Variants in AXIN2 observed in about 807,000 individuals in gnomAD.
AXIN2 encodes axin 2, also known as axin-2.
AXIN2 carries 21 observed loss-of-function variants against 74.7 expected under a neutral mutation model. The ratio of observed to expected loss-of-function variants is 0.28; its 90% CI spans 0.20 to 0.40. The LOEUF (loss-of-function observed/expected upper bound fraction) is 0.40, where lower values mean the gene tolerates loss of function less well. Among genes scored for constraint, AXIN2 ranks in the 10% least tolerant of loss-of-function variants. The probability of loss-of-function intolerance (pLI) is 1.00; values close to 1 mark genes in which losing one functional copy is unlikely to be tolerated. For missense variants in AXIN2, 1,144 were observed against 1,111.1 expected (o/e 1.03, Z -0.42); for synonymous variants, 532 against 454.9 (o/e 1.17, Z -2.16).
Position 65,537,698 on chromosome 17 carries a change from G to T in AXIN2, c.1338C>A (p.Val446=), listed in dbSNP as rs369864600. Residue 446 remains valine (V), a synonymous_variant, in exon 6 of 11, where the codon GTC becomes GTA. Coordinates refer to ENST00000307078, the MANE Select transcript of AXIN2 (RefSeq NM_004655.4). The part of the protein sequence containing the change: ...QTILDDHLSR[V]LKTPGCQSPG... Reference sequence around the variant, plus strand: ...GAGACTGGCAGCCAGGGGTCTTGAGGACCCTGGACAGGTGATCGTCCAGTA... The same window carrying T: ...GAGACTGGCAGCCAGGGGTCTTGAGTACCCTGGACAGGTGATCGTCCAGTA... The T allele has an allele frequency of 1.9e-5, 30 of 1,557,126 alleles. No homozygotes were observed. In the African/African-American group the frequency reaches 3.4e-4, roughly 18 times the overall value.
rs200573256 is a variant in AXIN2 at position 65,536,409 on chromosome 17, C to T, written c.2052G>A (p.Ala684=). The change falls in exon 8 of 11, where the codon GCG becomes GCA. Residue 684 remains alanine (A), a synonymous_variant. Transcript: ENST00000307078. ...TGTTGGGTGGGGTCAGGGGAGGCAT[C>T]GCAGGGTCCTGGGTGAACAGGTGGG... The part of the protein sequence containing the change: ...PRAHLFTQDP[A]MPPLTPPNTL... 1,275 of 1,613,676 alleles carry T rather than the reference C, an allele frequency of 7.9e-4. 2 individuals are homozygous for T. The highest frequency in any genetic ancestry group is 1.0e-3 in the Non-Finnish European group (1,222 of 1,180,012).
rs2043968699 is a variant in AXIN2 at position 65,537,988 on chromosome 17, A to C, written c.1201-153T>G. ...TGCGCACACGCACAGGCCCGCCTACACAAGCACATATCCACACGCATATGC... is the reference window on the plus strand; with the variant it reads ...TGCGCACACGCACAGGCCCGCCTACCCAAGCACATATCCACACGCATATGC... On this transcript the variant is annotated intron_variant, in intron 5 of 10. Transcript: ENST00000307078. The C allele has an allele frequency of 4.5e-6, 6 of 1,322,672 alleles. No homozygotes were observed. In the Admixed American group the frequency reaches 8.1e-5, roughly 18 times the overall value. The allele number at this position is 1,322,672 out of a possible 1,614,324, so 81.9% of individuals were successfully genotyped here. A position where few individuals can be genotyped will look rare whatever the true frequency, so the allele number is the denominator to read the frequency against.
At position 65,559,786 on chromosome 17, in the gene AXIN2, G is replaced by A. The variant is rs187694910; in HGVS notation, c.-116-1050C>T. On this transcript the variant is annotated intron_variant, in intron 1 of 10. Transcript: ENST00000307078. Reference sequence around the variant, plus strand: ...AAACTAAGAAGGGTAGGGGCTGAACGGGGTGCAACCCCGGGCGAGAAGCCA... The same window carrying A: ...AAACTAAGAAGGGTAGGGGCTGAACAGGGTGCAACCCCGGGCGAGAAGCCA... 1.8e-4 allele frequency among the ~76,000 whole-genome samples: 27 copies of A among 152,366 alleles called. No homozygotes were observed. In the East Asian group the frequency reaches 4.6e-3, roughly 26 times the overall value.
intron 7 of AXIN2, 37 bp from the exon 8 acceptor site, chr17:65,536,590 A>G (rs2144444974): frequency 6.2e-7 from 1 of 1,607,326 alleles, no homozygotes; most frequent in Non-Finnish European, 8.5e-7. Flanking sequence ...ACAGAAGGAA[A>G]GAAACTGGGT....
At chr17:65,555,415 A>G (rs562104063) in intron 2 of AXIN2, among the ~76,000 whole-genome samples, 2 of 152,300 alleles carry the variant, frequency 1.3e-5, no homozygotes, top group South Asian at 2.1e-4. Context: ...CTTCAGTTCA[A>G]TAAGAAAGTT....
chr17:65,537,282 G>A (rs768716642), intron 6 of AXIN2, 42 bp downstream of exon 6: 13 of 1,612,454 alleles, frequency 8.1e-6, no homozygotes, highest in Non-Finnish European at 1.0e-5. Context: ...CTGGCTGGGA[G>A]ACAAGCCCCA....
chr17:65,547,180 G>C (rs887392911), intron 3 of AXIN2, among the ~76,000 whole-genome samples: 3 of 149,386 alleles, frequency 2.0e-5, no homozygotes, highest in Admixed American at 2.0e-4. Context: ...TGGGGAGGCT[G>C]CAGGGGAGAA....
Position 65,529,772 on chromosome 17 carries a change from TATCTC to T in AXIN2, c.*199_*203del, listed in dbSNP as rs1231538272. ...TTTAATAAATAGTTCAGGCTTTTCT[TATCTC>T]AGTCAGTACCCAGCTCATGAATCAT... On this transcript the variant is annotated 3_prime_UTR_variant, in exon 11 of 11. Coordinates refer to ENST00000307078, the MANE Select transcript of AXIN2 (RefSeq NM_004655.4). The T allele has an allele frequency of 1.1e-5, 8 of 725,896 alleles. No homozygotes were observed. Among genetic ancestry groups the T allele is most frequent in the East Asian group, 2.8e-5 (1 of 35,578 alleles). The allele number at this position is 725,896 out of a possible 1,614,324, so 45.0% of individuals were successfully genotyped here.
chr17:65,540,971 G>C (rs2044032756), intron 4 of AXIN2, among the ~76,000 whole-genome samples: 1 of 152,136 alleles, frequency 6.6e-6, no homozygotes, highest in Non-Finnish European at 1.5e-5. Context: ...CCACCTCCCA[G>C]GTTCAAGTGA....
In AXIN2 at chr17:65,529,201, G is replaced by A. The variant is rs190102562; in HGVS notation, c.*775C>T. The A allele has an allele frequency of 2.1e-5, 5 of 234,616 alleles. No individual in the cohort carries two copies. The East Asian group carries it at 3.0e-4, about 14-fold the overall frequency. The allele number at this position is 234,616 out of a possible 1,614,324, so 14.5% of individuals were successfully genotyped here. ...ACATGAGGGGGAGCCTCAGTCACAG[G>A]ATCAACCTGGGGCCCGAAGGAGCAG... On this transcript the variant is annotated 3_prime_UTR_variant, in exon 11 of 11. Transcript: ENST00000307078.
chr17:65,556,910 C>T (rs1022884254), intron 2 of AXIN2, among the ~76,000 whole-genome samples: 28 of 152,304 alleles, frequency 1.8e-4, no homozygotes, highest in African/African-American at 6.7e-4. Context: ...GGCTCATTCT[C>T]TTTTCGGATA....
intron 10 of AXIN2, among the ~76,000 whole-genome samples, chr17:65,533,085 A>G (rs2043851260): frequency 6.6e-6 from 1 of 152,204 alleles, no homozygotes; most frequent in African/African-American, 2.4e-5. Context: ...AAGAGAAGGA[A>G]TGGCCTAGGG....
intron 7 of AXIN2, 114 bp from the exon 8 acceptor site, chr17:65,536,667 A>G: frequency 7.0e-7 from 1 of 1,430,978 alleles, no homozygotes; most frequent in Non-Finnish European, 9.7e-7. Flanking sequence ...GAGTTAAAAA[A>G]AAAACTACCA....
chr17:65,528,899 G>A lies in AXIN2; in HGVS notation c.*1077C>T, dbSNP rs779856961. ...ACTCTTTTGCCGTACACTATATACAGATGTATAGTACAAGTAACAATGGCA... is the reference window on the plus strand; with the variant it reads ...ACTCTTTTGCCGTACACTATATACAAATGTATAGTACAAGTAACAATGGCA... On this transcript the variant is annotated 3_prime_UTR_variant, in exon 11 of 11. Transcript: ENST00000307078. 5.7e-5 allele frequency: 20 copies of A among 350,794 alleles called. No individual in the cohort carries two copies. Among genetic ancestry groups the A allele is most frequent in the Non-Finnish European group, 9.5e-5 (18 of 189,906 alleles). The allele number at this position is 350,794 out of a possible 1,614,324, so 21.7% of individuals were successfully genotyped here.
chr17:65,549,497 G>A lies in AXIN2; in HGVS notation c.956+23C>T, dbSNP rs182632283. ...GGCATCCACTCCCAAGCAAGCCCAC[G>A]GAAGGGTGGCCAGGATACTCACACA... On this transcript the variant is annotated intron_variant, in intron 3 of 10. Transcript: ENST00000307078. 62 of 1,611,930 alleles carry A rather than the reference G, an allele frequency of 3.8e-5. No individual in the cohort carries two copies. In the African/African-American group the frequency reaches 4.1e-4, roughly 11 times the overall value.
Position 65,529,504 on chromosome 17 carries a change from C to T in AXIN2, c.*472G>A. 1 of 315,218 alleles carries T rather than the reference C, an allele frequency of 3.2e-6. No individual in the cohort carries two copies. Among genetic ancestry groups the T allele is most frequent in the Non-Finnish European group, 6.0e-6 (1 of 167,988 alleles). 19.5% of individuals were successfully genotyped at this position (315,218 alleles called of 1,614,324 possible). A position where few individuals can be genotyped will look rare whatever the true frequency, so the allele number is the denominator to read the frequency against. ...CCATGAACGCACTCCTAGCTCAACTCCTAAGTTTAGTCAGAACAATTAAAA... is the reference window on the plus strand; with the variant it reads ...CCATGAACGCACTCCTAGCTCAACTTCTAAGTTTAGTCAGAACAATTAAAA... On this transcript the variant is annotated 3_prime_UTR_variant, in exon 11 of 11. Transcript: ENST00000307078.
rs112516897 is a variant in AXIN2 at position 65,559,127 on chromosome 17, G to A, written c.-116-391C>T. Among the ~76,000 whole-genome samples, 739 of 151,568 alleles carry A rather than the reference G, an allele frequency of 4.9e-3. 6 individuals carry two copies. Among genetic ancestry groups the A allele is most frequent in the African/African-American group, 0.017 (711 of 41,292 alleles). On this transcript the variant is annotated intron_variant, in intron 1 of 10. Coordinates refer to ENST00000307078, the MANE Select transcript of AXIN2 (RefSeq NM_004655.4). Reference sequence around the variant, plus strand: ...CGCCTTCCCTCCCTTCCCCTCCCCCGATACCATCAACTCCAAAAAGGCGCA... The same window carrying A: ...CGCCTTCCCTCCCTTCCCCTCCCCCAATACCATCAACTCCAAAAAGGCGCA...
intron 4 of AXIN2, among the ~76,000 whole-genome samples, chr17:65,539,909 A>G (rs1241767264): frequency 6.6e-6 from 1 of 152,226 alleles, no homozygotes; most frequent in Non-Finnish European, 1.5e-5. Flanking sequence ...TCTCTTGAGT[A>G]CAGCCATGTG....
intron 8 of AXIN2, among the ~76,000 whole-genome samples, chr17:65,536,093 T>A (rs75467018): frequency 0.011 from 1,750 of 152,360 alleles, 28 homozygotes; most frequent in African/African-American, 0.04. Flanking sequence ...ATTCTAGGCA[T>A]GACTTGCCTC....
Sources: allele counts gnomAD v4.1 joint callset (sites outside exome capture counted in the v4.1 genomes callset), GRCh38; gene constraint gnomAD v4.1.1; transcripts MANE v1.5; gene names NCBI Gene and HGNC (gene_info 2026-07-23, HGNC 2026-07-21).